Variants in KCNT2 observed in about 807,000 individuals in gnomAD.
KCNT2 encodes the protein potassium channel subfamily T member 2.
KCNT2 carries 67 observed loss-of-function variants against 153.8 expected under a neutral mutation model. The ratio of observed to expected loss-of-function variants is 0.44; its 90% CI spans 0.36 to 0.53. The LOEUF (loss-of-function observed/expected upper bound fraction) is 0.53, where lower values mean the gene tolerates loss of function less well. KCNT2 is among the 20% of genes least tolerant of loss of function. The pLI, the probability that KCNT2 is intolerant of heterozygous loss-of-function variation, is 0.00. For synonymous variants in KCNT2, 500 were observed against 458.8 expected (o/e 1.09, Z -1.15); for missense variants, 975 against 1,354.8 (o/e 0.72, Z 4.40).
chr1:196,294,598 A>T (rs1470126979), intron 22 of KCNT2, among the ~76,000 whole-genome samples: 2 of 152,036 alleles, frequency 1.3e-5, no homozygotes, highest in Non-Finnish European at 2.9e-5. Flanking sequence ...GAAAAACAGT[A>T]TGGAGTTTCC....
chr1:196,565,591 A>G (rs904316277), intron 1 of KCNT2, among the ~76,000 whole-genome samples: 3 of 133,920 alleles, frequency 2.2e-5, no homozygotes, highest in Non-Finnish European at 4.5e-5. Flanking sequence ...AAATCATTAT[A>G]CATATATATA....
intron 8 of KCNT2, among the ~76,000 whole-genome samples, chr1:196,432,236 C>A (rs767195320): frequency 2.0e-5 from 3 of 152,096 alleles, no homozygotes; most frequent in Non-Finnish European, 4.4e-5. Flanking sequence ...GGCATGGTGA[C>A]CTTTCCTCTA....
chr1:196,326,739 T>C lies in KCNT2; in HGVS notation c.2254A>G (p.Ile752Val), dbSNP rs1215347707. The part of the protein sequence containing the change: ...YYRPKKELNP[I>V]VLLLDNPPDM... ...TACGGGTTATCCAATAGCAGTACTA[T>C]GGGATTAAGTTCTTTCTTTGGTCTA... Residue 752 changes from isoleucine to valine, a missense_variant, in exon 19 of 28, where the codon ATA (isoleucine) becomes GTA (valine). By Grantham distance (29) the Ile-to-Val change is conservative (BLOSUM62 3). Transcript: ENST00000294725. 3 of 1,545,140 alleles carry C rather than the reference T, an allele frequency of 1.9e-6. No homozygotes were observed. The highest frequency in any genetic ancestry group is 2.6e-6 in the Non-Finnish European group (3 of 1,153,444).
intron 8 of KCNT2, among the ~76,000 whole-genome samples, chr1:196,435,144 T>C (rs1280927189): frequency 4.4e-5 from 4 of 91,424 alleles, no homozygotes; most frequent in South Asian, 3.1e-4. Flanking sequence ...TGTATGTATA[T>C]ATATATATAT....
At position 196,341,239 on chromosome 1, in the gene KCNT2, C is replaced by T. The variant is rs1309846722; in HGVS notation, c.1554-669G>A. 2.0e-5 allele frequency among the ~76,000 whole-genome samples: 3 copies of T among 151,994 alleles called. No individual in the cohort carries two copies. The East Asian group carries it at 5.8e-4, about 29-fold the overall frequency. On this transcript the variant is annotated intron_variant, in intron 15 of 27. Transcript: ENST00000294725. ...GCCAACCTTAAACATACTCATAACA[C>T]TTACATTGCCTACAGTTGGGCAAAA...
At chr1:196,538,818 ACT>A (rs1397217305) in intron 1 of KCNT2, among the ~76,000 whole-genome samples, 3 of 152,066 alleles carry the variant, frequency 2.0e-5, no homozygotes, top group African/African-American at 2.4e-5. Context: ...GGATGATCTG[ACT>A]CTCTCACACT....
At chr1:196,253,969 G>A (rs1656231638) in intron 26 of KCNT2, among the ~76,000 whole-genome samples, 1 of 151,406 alleles carries the variant, frequency 6.6e-6, no homozygotes, top group Non-Finnish European at 1.5e-5. Flanking sequence ...ATTAAGTATG[G>A]TGAGAAATTA....
intron 14 of KCNT2, among the ~76,000 whole-genome samples, chr1:196,361,910 T>TATGA (rs1212740623): frequency 4.3e-5 from 3 of 70,034 alleles, no homozygotes; most frequent in African/African-American, 8.4e-5. Context: ...TGTTTGTGAG[T>TATGA]GTGAGTGTGT....
Position 196,326,733 on chromosome 1 carries a change from G to C in KCNT2, c.2260C>G (p.Leu754Val), listed in dbSNP as rs759103959. The C allele has an allele frequency of 1.2e-5, 19 of 1,535,498 alleles. No individual in the cohort carries two copies. The South Asian group carries it at 2.3e-4, about 18-fold the overall frequency. ...RPKKELNPIV[L>V]LLDNPPDMHF... ...TATACTTACGGGTTATCCAATAGCAGTACTATGGGATTAAGTTCTTTCTTT... is the reference window on the plus strand; with the variant it reads ...TATACTTACGGGTTATCCAATAGCACTACTATGGGATTAAGTTCTTTCTTT... The change falls in exon 19 of 28, where the codon CTG becomes GTG. Residue 754 changes from leucine (L) to valine (V), a missense_variant. Leu to Val is a conservative substitution (Grantham distance 32). Around this residue, in one of 6 missense-constraint regions of KCNT2, gnomAD observed 325 missense variants for 388.1 expected, o/e 0.84. Coordinates refer to ENST00000294725, the MANE Select transcript of KCNT2 (RefSeq NM_198503.5).
chr1:196,414,516 A>T (rs914994582), intron 12 of KCNT2, among the ~76,000 whole-genome samples: 3 of 151,874 alleles, frequency 2.0e-5, no homozygotes, highest in African/African-American at 7.2e-5. Context: ...ATTCCATGTA[A>T]TTGACCTGAT....
intron 18 of KCNT2, among the ~76,000 whole-genome samples, chr1:196,327,684 G>A (rs1212570924): frequency 1.4e-5 from 1 of 73,032 alleles, no homozygotes; most frequent in Non-Finnish European, 2.6e-5. Context: ...TTTTTTTTTT[G>A]AGACAGGGCC....
At chr1:196,414,413 T>C (rs1464100222) in intron 12 of KCNT2, among the ~76,000 whole-genome samples, 3 of 151,854 alleles carry the variant, frequency 2.0e-5, no homozygotes, top group Non-Finnish European at 4.4e-5. Flanking sequence ...AGCATTTCAC[T>C]AATTAATTTC....
At chr1:196,428,412 G>A (rs775336712) in intron 9 of KCNT2, 143 bp from the exon 10 acceptor site, 5 of 623,910 alleles carry the variant, frequency 8.0e-6, no homozygotes, top group South Asian at 2.1e-5. Flanking sequence ...CCCCTTCAAC[G>A]ACAGACTTTT....
intron 1 of KCNT2, among the ~76,000 whole-genome samples, chr1:196,595,095 G>C (rs1379469870): frequency 1.3e-5 from 2 of 151,954 alleles, no homozygotes; most frequent in African/African-American, 2.4e-5. Context: ...AATGAGCTAT[G>C]CTGGCAAGTG....
intron 13 of KCNT2, among the ~76,000 whole-genome samples, chr1:196,381,738 G>A (rs1019755633): frequency 2.0e-5 from 3 of 152,112 alleles, no homozygotes; most frequent in Non-Finnish European, 1.5e-5. Flanking sequence ...AATGGCTGGA[G>A]CATCCATTAC....
chr1:196,489,858 G>T lies in KCNT2; in HGVS notation c.255C>A (p.Asn85Lys), dbSNP rs1481502889. 7.6e-6 allele frequency: 12 copies of T among 1,570,744 alleles called. No individual in the cohort carries two copies. The highest frequency in any genetic ancestry group is 1.0e-5 in the Non-Finnish European group (12 of 1,154,120). Residue 85 changes from asparagine to lysine, a missense_variant, in exon 3 of 28, where the codon AAC becomes AAA. Around this residue, in one of 6 missense-constraint regions of KCNT2, gnomAD observed 140 missense variants for 216.0 expected, o/e 0.65. Coordinates refer to ENST00000294725, the MANE Select transcript of KCNT2 (RefSeq NM_198503.5). ...CTTACCATTCATTTCCTTGTGAAGG[G>T]TTTTCTAGTAGTACTCGGATTATGT... The part of the protein sequence containing the change: ...LLYIIRVLLE[N>K]PSQGNEWSHI...
intron 14 of KCNT2, among the ~76,000 whole-genome samples, chr1:196,360,872 T>C (rs566808525): frequency 6.6e-6 from 1 of 152,146 alleles, no homozygotes; most frequent in East Asian, 1.9e-4. Flanking sequence ...ACGAATACTA[T>C]GGCCGCAAAG....
At chr1:196,357,903 T>C (rs1667300969) in intron 14 of KCNT2, among the ~76,000 whole-genome samples, 3 of 151,954 alleles carry the variant, frequency 2.0e-5, no homozygotes, top group South Asian at 2.1e-4. Flanking sequence ...TAATCAATAC[T>C]GAATTTCTTT....
intron 17 of KCNT2, among the ~76,000 whole-genome samples, 190 bp from the exon 18 acceptor site, chr1:196,331,451 A>G (rs1355719335): frequency 6.6e-6 from 1 of 152,034 alleles, no homozygotes; most frequent in Non-Finnish European, 1.5e-5. Context: ...GGCCCTCCAC[A>G]TGGTTTTGAA....
Sources: allele counts gnomAD v4.1 joint callset (sites outside exome capture counted in the v4.1 genomes callset), GRCh38; gene constraint gnomAD v4.1.1; regional missense constraint gnomAD v4.1.1; transcripts MANE v1.5; gene names NCBI Gene and HGNC (gene_info 2026-07-23, HGNC 2026-07-21).